The following DPP10 variants were observed in gnomAD, a reference collection of about 807,000 sequenced individuals.
The protein encoded by DPP10 is dipeptidyl peptidase like 10.
DPP10 carries 33 observed loss-of-function variants against 120.9 expected under a neutral mutation model. That is an observed-to-expected ratio of 0.27 (90% CI 0.21 to 0.37). The LOEUF (loss-of-function observed/expected upper bound fraction) is 0.37. DPP10 is among the 10% of genes least tolerant of loss of function. The pLI, the probability that DPP10 is intolerant of heterozygous loss-of-function variation, is 1.00. For synonymous variants in DPP10, 337 were observed against 326.1 expected (o/e 1.03, Z -0.36); for missense variants, 816 against 942.8 (o/e 0.87, Z 1.76).
At chr2:114,775,645 T>G (rs111886377) in intron 1 of DPP10, among the ~76,000 whole-genome samples, 169 of 152,328 alleles carry the variant, frequency 1.1e-3, no homozygotes, top group African/African-American at 3.8e-3. Flanking sequence ...AATGTTAGCA[T>G]GAACTCTTTG....
chr2:115,226,064 A>G (rs537809632), intron 1 of DPP10, among the ~76,000 whole-genome samples: 85 of 151,966 alleles, frequency 5.6e-4, no homozygotes, highest in African/African-American at 2.0e-3. Flanking sequence ...CTTAAATTCA[A>G]TTTTACTTAT....
intron 3 of DPP10, among the ~76,000 whole-genome samples, chr2:115,497,101 A>G (rs1476096450): frequency 6.6e-6 from 1 of 152,060 alleles, no homozygotes; most frequent in Non-Finnish European, 1.5e-5. Context: ...TATATAGGCG[A>G]GTCACAAATC....
intron 21 of DPP10, among the ~76,000 whole-genome samples, chr2:115,821,379 A>T (rs1277684608): frequency 1.3e-5 from 2 of 152,024 alleles, no homozygotes; most frequent in East Asian, 3.9e-4. Flanking sequence ...TGCATTAAAG[A>T]TTTTTATATT....
intron 1 of DPP10, among the ~76,000 whole-genome samples, chr2:115,284,959 C>G (rs745607473): frequency 1.3e-5 from 2 of 151,998 alleles, no homozygotes; most frequent in Non-Finnish European, 2.9e-5. Flanking sequence ...GTTTTAGCAT[C>G]TAAGATATGG....
At chr2:114,466,407 G>C (rs1430089) in intron 1 of DPP10, among the ~76,000 whole-genome samples, 83,053 of 152,048 alleles carry the variant, frequency 0.55, 24,807 homozygotes, top group East Asian at 0.71. Flanking sequence ...TCATGGAAAG[G>C]ATGGACCATA....
chr2:115,094,298 A>T (rs1709534331), intron 1 of DPP10, among the ~76,000 whole-genome samples: 1 of 152,180 alleles, frequency 6.6e-6, no homozygotes, highest in Admixed American at 6.5e-5. Flanking sequence ...CTGCAACAAA[A>T]GCTCTGTGGA....
At chr2:115,622,215 C>T (rs528318178) in intron 5 of DPP10, among the ~76,000 whole-genome samples, 4 of 152,084 alleles carry the variant, frequency 2.6e-5, no homozygotes, top group Admixed American at 1.3e-4. Flanking sequence ...TAGACAAGAA[C>T]TCATCAACTC....
intron 1 of DPP10, among the ~76,000 whole-genome samples, chr2:114,637,552 C>A (rs1404270740): frequency 1.3e-5 from 2 of 151,872 alleles, no homozygotes; most frequent in African/African-American, 4.9e-5. Flanking sequence ...GCCAAAAATT[C>A]TTTGCCAAGG....
At chr2:114,860,998 G>T (rs373988565) in intron 1 of DPP10, among the ~76,000 whole-genome samples, 4 of 152,020 alleles carry the variant, frequency 2.6e-5, no homozygotes, top group African/African-American at 9.7e-5. Flanking sequence ...TTTACATGAG[G>T]AGCTAGCCGT....
chr2:115,463,633 A>G (rs1156510550), intron 3 of DPP10, among the ~76,000 whole-genome samples: 1 of 152,122 alleles, frequency 6.6e-6, no homozygotes, highest in Non-Finnish European at 1.5e-5. Context: ...TCCTTATGTG[A>G]TGAGTATTGG....
chr2:115,810,963 T>C (rs908395456), intron 19 of DPP10, among the ~76,000 whole-genome samples: 3 of 152,218 alleles, frequency 2.0e-5, no homozygotes, highest in African/African-American at 4.8e-5. Context: ...ATGATTTGTC[T>C]TTAGTACATT....
At chr2:114,572,354 C>T (rs1011772515) in intron 1 of DPP10, among the ~76,000 whole-genome samples, 44 of 152,190 alleles carry the variant, frequency 2.9e-4, no homozygotes, top group African/African-American at 9.6e-4. Flanking sequence ...AATAGGCCCC[C>T]CAAAATAATA....
intron 1 of DPP10, among the ~76,000 whole-genome samples, chr2:114,501,606 A>C (rs896647223): frequency 6.6e-6 from 1 of 152,152 alleles, no homozygotes; most frequent in Admixed American, 6.6e-5. Context: ...GCAATCCCCC[A>C]GGTGAATAGA....
chr2:114,852,116 A>G (rs1197835907), intron 1 of DPP10, among the ~76,000 whole-genome samples: 1 of 64,898 alleles, frequency 1.5e-5, no homozygotes, highest in Non-Finnish European at 3.1e-5. Context: ...TGCTATGCCT[A>G]TTATTTTTTG....
intron 1 of DPP10, among the ~76,000 whole-genome samples, chr2:114,877,025 C>A (rs1301550272): frequency 6.6e-6 from 1 of 152,038 alleles, no homozygotes; most frequent in African/African-American, 2.4e-5. Flanking sequence ...TGAATGTTAT[C>A]ACTCATCTTT....
chr2:115,090,752 A>G (rs878860253), intron 1 of DPP10, among the ~76,000 whole-genome samples: 2 of 151,756 alleles, frequency 1.3e-5, no homozygotes, highest in Admixed American at 1.3e-4. Flanking sequence ...GAGAGGTTGG[A>G]AAGTTTCTGT....
chr2:115,442,349 CTGTGTGTGTGTGTTTGTGTGTGTG>C (rs1294094250), intron 3 of DPP10, among the ~76,000 whole-genome samples: 2 of 142,706 alleles, frequency 1.4e-5, no homozygotes, highest in Admixed American at 6.8e-5. Flanking sequence ...AATATATTAT[CTGTGTGTGTGTGTTTGTGTGTGTG>C]TGTGTGTGTG....
intron 5 of DPP10, among the ~76,000 whole-genome samples, chr2:115,603,207 AAAAGG>A (rs1295185446): frequency 6.6e-6 from 1 of 151,000 alleles, no homozygotes; most frequent in Non-Finnish European, 1.5e-5. Flanking sequence ...TTTGGAGAAA[AAAAGG>A]TCTATGTTTG....
At chr2:115,397,601 G>A (rs2067774618) in intron 3 of DPP10, among the ~76,000 whole-genome samples, 1 of 152,152 alleles carries the variant, frequency 6.6e-6, no homozygotes, top group Non-Finnish European at 1.5e-5. Context: ...CATACAAGTA[G>A]TCTTACTAAA....
Sources: gnomAD v4.1 joint callset for allele counts (sites outside exome capture counted in the v4.1 genomes callset) on GRCh38, gnomAD v4.1.1 for gene constraint, MANE v1.5 for transcripts, NCBI Gene and HGNC (gene_info 2026-07-23, HGNC 2026-07-21) for gene names.